The following ABCB4 variants were observed in gnomAD, a reference collection of about 807,000 sequenced individuals.
ABCB4 encodes ATP binding cassette subfamily B member 4, also known as phosphatidylcholine translocator ABCB4.
ABCB4 carries 76 observed loss-of-function variants against 145.7 expected under a neutral mutation model. That is an observed-to-expected ratio of 0.52 (90% CI 0.43 to 0.63). The LOEUF is 0.63. Ranked by LOEUF, ABCB4 falls within the 30% of genes least tolerant of loss-of-function variation. The pLI is 0.00. For synonymous variants in ABCB4, 517 were observed against 566.8 expected (o/e 0.91, Z 1.25); for missense variants, 1,234 against 1,553.1 (o/e 0.79, Z 3.45).
chr7:87,475,128 CT>C (rs1356254435), intron 2 of ABCB4, among the ~76,000 whole-genome samples: 1 of 152,212 alleles, frequency 6.6e-6, no homozygotes, highest in Non-Finnish European at 1.5e-5. Flanking sequence ...TGAATCCCCC[CT>C]GCACAAAGGG....
intron 18 of ABCB4, among the ~76,000 whole-genome samples, chr7:87,421,904 T>C (rs757524109): frequency 1.5e-4 from 23 of 152,204 alleles, no homozygotes; most frequent in Non-Finnish European, 2.4e-4. Flanking sequence ...TCCTTGGTAA[T>C]GAATGTCTGC....
chr7:87,374,694 G>A, the ABCB4 span, among the ~76,000 whole-genome samples: 2 of 151,914 alleles, frequency 1.3e-5, no homozygotes, highest in South Asian at 4.1e-4. Context: ...AACAAGGGGG[G>A]AATTTTTCAG....
At chr7:87,440,479 T>C (rs1810907180) in intron 12 of ABCB4, 77 bp from the exon 13 acceptor site, 3 of 1,232,518 alleles carry the variant, frequency 2.4e-6, no homozygotes, top group Non-Finnish European at 3.5e-6. Context: ...ATGAAAAACA[T>C]CCTACCTAAT....
chr7:87,475,561 T>A (rs1456081709), intron 1 of ABCB4, 73 bp downstream of exon 1: 6 of 1,265,174 alleles, frequency 4.7e-6, no homozygotes, highest in African/African-American at 1.5e-5. Context: ...TGGGTGGAGG[T>A]CCGGCCACTC....
At chr7:87,436,060 C>T (rs900886002) in intron 14 of ABCB4, among the ~76,000 whole-genome samples, 15 of 152,298 alleles carry the variant, frequency 9.8e-5, no homozygotes, top group African/African-American at 2.6e-4. Flanking sequence ...TTTCAGACAT[C>T]TCTAGACAGA....
chr7:87,424,081 G>A (rs1392902668), intron 16 of ABCB4, 29 bp from the exon 17 acceptor site: 1 of 1,613,618 alleles, frequency 6.2e-7, no homozygotes, highest in African/African-American at 1.3e-5. Flanking sequence ...AGGGCAAACT[G>A]GTGATGACAC....
rs1045508299 is a variant in ABCB4, at chr7:87,431,629, C to G, written c.1732-64G>C. ...TTGGCACACTGTCAATTAACATGCA[C>G]AGTTAAGCACTTGGATGAATGCTGT... On this transcript the variant is annotated intron_variant, in intron 14 of 27. Transcript: ENST00000649586. The G allele has an allele frequency of 1.9e-6, 3 of 1,589,916 alleles. No individual in the cohort carries two copies. The African/African-American group carries it at 4.0e-5, about 21-fold the overall frequency.
chr7:87,394,145 A>C, the ABCB4 span, among the ~76,000 whole-genome samples: 1 of 152,166 alleles, frequency 6.6e-6, no homozygotes, highest in East Asian at 1.9e-4. Flanking sequence ...TTCAATCATA[A>C]TTGCATTAAA....
At chr7:87,371,993 C>CA in the ABCB4 span, among the ~76,000 whole-genome samples, 963 of 59,150 alleles carry the variant, frequency 0.016, 16 homozygotes, top group African/African-American at 0.056. Context: ...GACGCTGTCT[C>CA]AAAAAAAAAA....
At chr7:87,461,723 AT>A (rs1490119737) in intron 4 of ABCB4, among the ~76,000 whole-genome samples, 2 of 152,194 alleles carry the variant, frequency 1.3e-5, no homozygotes, top group African/African-American at 4.8e-5. Flanking sequence ...CTTTTACTGG[AT>A]TTTTAAAAGG....
chr7:87,413,761 T>G, intron 21 of ABCB4, 44 bp from the exon 22 acceptor site: 1 of 1,318,034 alleles, frequency 7.6e-7, no homozygotes, highest in Non-Finnish European at 1.1e-6. Context: ...TGTTTTCACT[T>G]CTGAAATAAT....
Position 87,447,164 on chromosome 7 carries a change from T to G in ABCB4, c.875A>C (p.Lys292Thr). Residue 292 changes from lysine to threonine, a missense_variant, in exon 9 of 28, where the codon AAA (lysine) becomes ACA (threonine). Transcript: ENST00000649586. ...GGAAATGTTTGCTGAAATAGCTTTT[T>G]TAATTCCAATCTCTTTGGCATTTTC... The part of the protein sequence containing the change: ...HLENAKEIGI[K>T]KAISANISMG... 1 of 1,614,016 alleles carries G rather than the reference T, an allele frequency of 6.2e-7. No homozygotes were observed. Among genetic ancestry groups the G allele is most frequent in the South Asian group, 1.1e-5 (1 of 91,080 alleles).
At chr7:87,443,826 T>A in intron 10 of ABCB4, 53 bp from the exon 11 acceptor site, 1 of 1,432,358 alleles carries the variant, frequency 7.0e-7, no homozygotes, top group Non-Finnish European at 9.8e-7. Context: ...ACAAGTTGCA[T>A]TTTTAAGGAA....
intron 22 of ABCB4, among the ~76,000 whole-genome samples, chr7:87,412,942 TGAG>T (rs1332337651): frequency 1.1e-4 from 17 of 152,242 alleles, no homozygotes; most frequent in Non-Finnish European, 2.5e-4. Flanking sequence ...TGTGCATAAC[TGAG>T]GAGATGGCAT....
At chr7:87,445,883 T>C (rs1243371656) in intron 9 of ABCB4, among the ~76,000 whole-genome samples, 4 of 152,188 alleles carry the variant, frequency 2.6e-5, no homozygotes. Flanking sequence ...CCTCTGGGGA[T>C]AGCAATCTCA....
At chr7:87,375,887 G>T in the ABCB4 span, 2 of 1,613,440 alleles carry the variant, frequency 1.2e-6, no homozygotes, top group African/African-American at 1.3e-5. Context: ...AAAAAATTCA[G>T]AGTAGTTTAC....
intron 14 of ABCB4, among the ~76,000 whole-genome samples, chr7:87,434,742 G>A (rs796552239): frequency 4.3e-4 from 60 of 140,928 alleles, no homozygotes; most frequent in African/African-American, 1.5e-3. Context: ...GCGAGACTCC[G>A]TCTCAAAAAA....
At chr7:87,401,394 G>A (rs1203826774), downstream of ABCB4, among the ~76,000 whole-genome samples, 1 of 152,090 alleles carries the variant, frequency 6.6e-6, no homozygotes, top group African/African-American at 2.4e-5. Context: ...CGGATTTTCT[G>A]GGAAAAGTAG....
intron 10 of ABCB4, among the ~76,000 whole-genome samples, chr7:87,444,201 TG>T (rs1316599408): frequency 1.3e-5 from 2 of 152,180 alleles, no homozygotes; most frequent in Non-Finnish European, 2.9e-5. Context: ...GAAGATTGAA[TG>T]GTTGATTATA....
Sources: gnomAD v4.1 joint callset for allele counts (sites outside exome capture counted in the v4.1 genomes callset) on GRCh38, gnomAD v4.1.1 for gene constraint, MANE v1.5 for transcripts, NCBI Gene and HGNC (gene_info 2026-07-23, HGNC 2026-07-21) for gene names.